Variants in PRELID2 observed in about 807,000 individuals in gnomAD.
PRELID2 encodes PRELI domain-containing protein 2.
In PRELID2, 25 loss-of-function variants were observed where a neutral mutation model predicts 28.4. That is an observed-to-expected ratio of 0.88 (90% confidence interval 0.64 to 1.23). PRELID2 has a LOEUF of 1.23. Among genes scored for constraint, PRELID2 ranks in the 50% most tolerant of loss-of-function variants. The probability of loss-of-function intolerance (pLI) is 0.00; values close to 1 mark genes in which losing one functional copy is unlikely to be tolerated. For missense variants in PRELID2, 201 were observed against 214.4 expected (o/e 0.94, Z 0.39); for synonymous variants, 76 against 71.6 (o/e 1.06, Z -0.31).
intron 1 of PRELID2, among the ~76,000 whole-genome samples, chr5:145,677,650 G>C (rs1754846562): frequency 6.6e-6 from 1 of 152,144 alleles, no homozygotes; most frequent in African/African-American, 2.4e-5. Context: ...GGGGTTCATT[G>C]TGCTTTCTTC....
chr5:145,814,498 C>T (rs951890370), intron 4 of PRELID2, among the ~76,000 whole-genome samples: 8 of 151,712 alleles, frequency 5.3e-5, no homozygotes, highest in Admixed American at 2.0e-4. Flanking sequence ...GCCAATAAGA[C>T]ATGGCTTCAC....
At chr5:145,497,354 A>G (rs766596289) in intron 1 of PRELID2, among the ~76,000 whole-genome samples, 27 of 152,132 alleles carry the variant, frequency 1.8e-4, no homozygotes, top group Admixed American at 2.0e-4. Flanking sequence ...GAACTACCAC[A>G]TGTAACGTTA....
chr5:145,328,934 T>C, the PRELID2 span, among the ~76,000 whole-genome samples: 1 of 152,226 alleles, frequency 6.6e-6, no homozygotes, highest in Non-Finnish European at 1.5e-5. Context: ...CTTTAATCCA[T>C]CTTGAGTTAA....
chr5:145,271,236 C>A, the PRELID2 span, among the ~76,000 whole-genome samples: 1 of 152,026 alleles, frequency 6.6e-6, no homozygotes, highest in Non-Finnish European at 1.5e-5. Flanking sequence ...AAATTCTACA[C>A]TTATATATAT....
the PRELID2 span, among the ~76,000 whole-genome samples, chr5:145,430,325 A>G: frequency 1.3e-5 from 2 of 152,074 alleles, no homozygotes; most frequent in South Asian, 2.1e-4. Flanking sequence ...GCTGTAACAA[A>G]TTTCTTTGGC....
the PRELID2 span, among the ~76,000 whole-genome samples, chr5:145,363,375 T>C: frequency 4.7e-4 from 72 of 152,214 alleles, no homozygotes; most frequent in Admixed American, 2.9e-3. Flanking sequence ...TGACAGCCTC[T>C]TTATATTCTA....
intron 1 of PRELID2, among the ~76,000 whole-genome samples, chr5:145,616,959 C>T (rs1031707541): frequency 6.6e-6 from 1 of 152,110 alleles, no homozygotes; most frequent in Non-Finnish European, 1.5e-5. Context: ...AGAAGCCTAC[C>T]CTCAGGGATG....
At chr5:145,600,430 A>ATATATATAT (rs797007372) in intron 1 of PRELID2, among the ~76,000 whole-genome samples, 84 of 125,614 alleles carry the variant, frequency 6.7e-4, no homozygotes, top group African/African-American at 3.3e-3. Context: ...GAAAAAAAAA[A>ATATATATAT]AAAAATATAT....
Position 145,803,621 on chromosome 5 carries a change from G to A in PRELID2, c.369-7074C>T, listed in dbSNP as rs187926550. Among the ~76,000 whole-genome samples, 149 of 151,686 alleles carry A rather than the reference G, an allele frequency of 9.8e-4. 1 individual carries two copies. Among genetic ancestry groups the A allele is most frequent in the Non-Finnish European group, 1.6e-3 (112 of 67,988 alleles). On this transcript the variant is annotated intron_variant, in intron 4 of 6. Coordinates refer to ENST00000683046, the MANE Select transcript of PRELID2 (RefSeq NM_205846.3). ...CACAAGGTTGAATAAGGCAATATGC[G>A]GAAAGCACTCAAAGTACTATGTGTA...
chr5:145,758,994 A>ATTTTTTTTTTTTTTTT lies in PRELID2; in HGVS notation c.*1526_*1541dup, dbSNP rs70998036. On this transcript the variant is annotated 3_prime_UTR_variant, in exon 7 of 7. Transcript: ENST00000683046. ...CCAAGACTCTCCAGTAACGGCCTGA[A>ATTTTTTTTTTTTTTTT]TTTTTTTTTTTTTTTTTTTTTTTTG... is the stretch of plus-strand genomic sequence containing the variant. 1 of 90,590 alleles carries ATTTTTTTTTTTTTTTT rather than the reference A, an allele frequency of 1.1e-5. No individual in the cohort carries two copies. Among genetic ancestry groups the ATTTTTTTTTTTTTTTT allele is most frequent in the Non-Finnish European group, 2.0e-5 (1 of 51,028 alleles). The allele number at this position is 90,590 out of a possible 1,614,324, so 5.6% of individuals were successfully genotyped here. A position where few individuals can be genotyped will look rare whatever the true frequency, so the allele number is the denominator to read the frequency against.
At chr5:145,599,444 T>C (rs1304569581) in intron 1 of PRELID2, among the ~76,000 whole-genome samples, 1 of 152,172 alleles carries the variant, frequency 6.6e-6, no homozygotes, top group East Asian at 1.9e-4. Flanking sequence ...TTCTCATTCT[T>C]CTTTCTTAAG....
the PRELID2 span, among the ~76,000 whole-genome samples, chr5:145,324,677 A>G: frequency 6.6e-6 from 1 of 152,218 alleles, no homozygotes; most frequent in African/African-American, 2.4e-5. Flanking sequence ...ACCTGCCATT[A>G]TGGAGATCTT....
the PRELID2 span, among the ~76,000 whole-genome samples, chr5:145,378,113 TC>T: frequency 5.9e-5 from 9 of 152,306 alleles, no homozygotes; most frequent in African/African-American, 1.4e-4. Flanking sequence ...GGCTATAGGC[TC>T]CCAATCTCTT....
At chr5:145,423,380 G>C in the PRELID2 span, among the ~76,000 whole-genome samples, 3 of 151,950 alleles carry the variant, frequency 2.0e-5, no homozygotes, top group Admixed American at 2.0e-4. Flanking sequence ...CACCAATCAG[G>C]CATAGATTTG....
intron 1 of PRELID2, among the ~76,000 whole-genome samples, chr5:145,520,222 A>G (rs1422096168): frequency 6.6e-6 from 1 of 152,198 alleles, no homozygotes; most frequent in Non-Finnish European, 1.5e-5. Flanking sequence ...AGGACATAAC[A>G]TTTGGAGGCA....
intron 1 of PRELID2, among the ~76,000 whole-genome samples, chr5:145,824,607 T>C (rs956853114): frequency 1.3e-5 from 2 of 152,186 alleles, no homozygotes; most frequent in Non-Finnish European, 2.9e-5. Context: ...GTTACTCCTG[T>C]ATCTCCAACA....
chr5:145,488,336 G>A (rs924392479), intron 1 of PRELID2, among the ~76,000 whole-genome samples: 5 of 152,108 alleles, frequency 3.3e-5, no homozygotes, highest in African/African-American at 1.2e-4. Flanking sequence ...CTGATGGAGA[G>A]AAAGATTGAC....
the PRELID2 span, among the ~76,000 whole-genome samples, chr5:145,290,050 A>G: frequency 6.6e-6 from 1 of 152,208 alleles, no homozygotes; most frequent in African/African-American, 2.4e-5. Flanking sequence ...CCACAATGAG[A>G]TACCATCTCA....
At chr5:145,660,490 A>G (rs1754472392) in intron 1 of PRELID2, among the ~76,000 whole-genome samples, 1 of 152,144 alleles carries the variant, frequency 6.6e-6, no homozygotes, top group African/African-American at 2.4e-5. Context: ...GCTTATTCCT[A>G]TATTCTATTA....
Sources: allele counts gnomAD v4.1 joint callset (sites outside exome capture counted in the v4.1 genomes callset), GRCh38; gene constraint gnomAD v4.1.1; transcripts MANE v1.5; gene names NCBI Gene and HGNC (gene_info 2026-07-23, HGNC 2026-07-21).